Variants in KCNH7 observed in about 807,000 individuals in gnomAD.
The protein encoded by KCNH7 is potassium voltage-gated channel subfamily H member 7, also known as voltage-gated inwardly rectifying potassium channel KCNH7.
A neutral mutation model predicts 120.8 loss-of-function variants in KCNH7; 49 were observed. The ratio of observed to expected loss-of-function variants is 0.41; its 90% CI spans 0.32 to 0.51. The LOEUF (loss-of-function observed/expected upper bound fraction) is 0.51, where lower values mean the gene tolerates loss of function less well. Ranked by LOEUF, KCNH7 falls within the 20% of genes least tolerant of loss-of-function variation. KCNH7 has a pLI of 0.38. For synonymous variants in KCNH7, 547 were observed against 516.1 expected (o/e 1.06, Z -0.81); for missense variants, 1,097 against 1,446.6 (o/e 0.76, Z 3.92).
At position 162,702,901 on chromosome 2, in the gene KCNH7, AAT is replaced by A. The variant is rs367577715; in HGVS notation, c.307+133634_307+133635del. ...ATTTTCTTTCTTCCTAATTAGGCTG[AAT>A]GTTTCCTTAGGAACAGTGTTTGATT... On this transcript the variant is annotated intron_variant, in intron 2 of 15. Coordinates refer to ENST00000332142, the MANE Select transcript of KCNH7 (RefSeq NM_033272.4). Among the ~76,000 whole-genome samples, 243 of 152,180 alleles carry A rather than the reference AAT, an allele frequency of 1.6e-3. 2 individuals carry two copies. The highest frequency in any genetic ancestry group is 5.2e-3 in the African/African-American group (215 of 41,530).
At chr2:162,544,056 T>A (rs1411991953) in intron 2 of KCNH7, among the ~76,000 whole-genome samples, 1 of 152,020 alleles carries the variant, frequency 6.6e-6, no homozygotes, top group Non-Finnish European at 1.5e-5. Context: ...TGAATGGGAG[T>A]GAGGACATAG....
At chr2:162,740,177 G>A (rs1013225559) in intron 2 of KCNH7, among the ~76,000 whole-genome samples, 2 of 152,194 alleles carry the variant, frequency 1.3e-5, no homozygotes, top group Non-Finnish European at 2.9e-5. Flanking sequence ...ACCCGAGCCA[G>A]GAGGTGGACA....
chr2:162,477,834 A>G (rs1475156033), intron 6 of KCNH7, among the ~76,000 whole-genome samples: 1 of 151,752 alleles, frequency 6.6e-6, no homozygotes, highest in Non-Finnish European at 1.5e-5. Context: ...CCATCCATCC[A>G]TCCATCCATC....
chr2:162,403,635 T>G (rs1687124782), intron 9 of KCNH7, among the ~76,000 whole-genome samples: 1 of 151,972 alleles, frequency 6.6e-6, no homozygotes, highest in African/African-American at 2.4e-5. Flanking sequence ...TGTTGTTGCA[T>G]GGAGAAGATA....
chr2:162,537,719 C>T (rs1692156267), intron 2 of KCNH7, among the ~76,000 whole-genome samples: 1 of 151,986 alleles, frequency 6.6e-6, no homozygotes, highest in Admixed American at 6.6e-5. Flanking sequence ...TGAGATGGTA[C>T]TCTTCAAGAC....
At chr2:162,491,234 T>C (rs991311707) in intron 6 of KCNH7, among the ~76,000 whole-genome samples, 1 of 152,214 alleles carries the variant, frequency 6.6e-6, no homozygotes, top group Non-Finnish European at 1.5e-5. Flanking sequence ...CACATTTGCA[T>C]AGAGCTAGAG....
At chr2:162,475,359 G>T (rs1310059698) in intron 6 of KCNH7, among the ~76,000 whole-genome samples, 1 of 152,136 alleles carries the variant, frequency 6.6e-6, no homozygotes, top group Non-Finnish European at 1.5e-5. Flanking sequence ...GGTATTTCTA[G>T]AATAATTTTG....
chr2:162,621,604 A>G (rs1004892875), intron 2 of KCNH7, among the ~76,000 whole-genome samples: 2 of 152,174 alleles, frequency 1.3e-5, no homozygotes, highest in African/African-American at 4.8e-5. Context: ...GTGCATATAT[A>G]TTTAAGTCAC....
At position 162,787,564 on chromosome 2, in the gene KCNH7, C is replaced by T. The variant is rs186242114; in HGVS notation, c.307+48973G>A. Among the ~76,000 whole-genome samples the T allele has an allele frequency of 1.0e-3, 153 of 152,302 alleles. No homozygotes were observed. The Middle Eastern group carries it at 0.017, about 17-fold the overall frequency. ...ATAATCACAGACATCAGGCCCATCC[C>T]TCTGTATTCAGGTGCCAGCACTACC... On this transcript the variant is annotated intron_variant, in intron 2 of 15. Transcript: ENST00000332142.
At chr2:162,430,011 T>C (rs1330380609) in intron 8 of KCNH7, among the ~76,000 whole-genome samples, 1 of 151,926 alleles carries the variant, frequency 6.6e-6, no homozygotes, top group African/African-American at 2.4e-5. Flanking sequence ...TTGGGCACTA[T>C]ACATTTAACC....
chr2:162,567,178 C>T (rs1274703987), intron 2 of KCNH7, among the ~76,000 whole-genome samples: 1 of 151,950 alleles, frequency 6.6e-6, no homozygotes, highest in African/African-American at 2.4e-5. Flanking sequence ...AAAATGATCA[C>T]TTTAGTAGAT....
intron 2 of KCNH7, among the ~76,000 whole-genome samples, chr2:162,617,267 C>T (rs1296048897): frequency 6.6e-6 from 1 of 152,054 alleles, no homozygotes; most frequent in African/African-American, 2.4e-5. Flanking sequence ...ATCACGAGGT[C>T]AGGAGATCGA....
chr2:162,661,033 TTTA>T (rs1340369478), intron 2 of KCNH7, among the ~76,000 whole-genome samples: 2 of 152,170 alleles, frequency 1.3e-5, no homozygotes, highest in Non-Finnish European at 2.9e-5. Context: ...AAATATTTGA[TTTA>T]TTATTATTTT....
intron 2 of KCNH7, among the ~76,000 whole-genome samples, chr2:162,591,341 G>C (rs1193054379): frequency 6.6e-6 from 1 of 151,466 alleles, no homozygotes; most frequent in African/African-American, 2.4e-5. Context: ...GCTTATAACT[G>C]TGCCCAGCAT....
At chr2:162,497,320 CT>C (rs1177397692) in intron 6 of KCNH7, among the ~76,000 whole-genome samples, 1 of 152,064 alleles carries the variant, frequency 6.6e-6, no homozygotes, top group Non-Finnish European at 1.5e-5. Flanking sequence ...GGTGGTTTTG[CT>C]TTTTCTGTAA....
chr2:162,431,618 A>G (rs544013833), intron 8 of KCNH7, among the ~76,000 whole-genome samples: 2 of 152,044 alleles, frequency 1.3e-5, no homozygotes, highest in East Asian at 3.9e-4. Flanking sequence ...ACATAATCCC[A>G]TTTGGATTAA....
At chr2:162,612,312 A>G (rs1682995896) in intron 2 of KCNH7, among the ~76,000 whole-genome samples, 1 of 152,218 alleles carries the variant, frequency 6.6e-6, no homozygotes, top group Non-Finnish European at 1.5e-5. Context: ...ACACAAAGTC[A>G]GAATCCCTAA....
At position 162,832,069 on chromosome 2, in the gene KCNH7, T is replaced by C. The variant is rs114035794; in HGVS notation, c.307+4468A>G. Among the ~76,000 whole-genome samples, 875 of 152,264 alleles carry C rather than the reference T, an allele frequency of 5.7e-3. 12 individuals carry two copies. Among genetic ancestry groups the C allele is most frequent in the African/African-American group, 0.02 (823 of 41,558 alleles). Reference sequence around the variant, plus strand: ...TCAAAGTCCATGAGATGATATAAAATTTGGGCACATAAGAGAAAATGAATT... The same window carrying C: ...TCAAAGTCCATGAGATGATATAAAACTTGGGCACATAAGAGAAAATGAATT... On this transcript the variant is annotated intron_variant, in intron 2 of 15. Coordinates refer to ENST00000332142, the MANE Select transcript of KCNH7 (RefSeq NM_033272.4).
At chr2:162,620,897 G>A (rs975454145) in intron 2 of KCNH7, among the ~76,000 whole-genome samples, 48 of 152,146 alleles carry the variant, frequency 3.2e-4, no homozygotes, top group African/African-American at 1.1e-3. Context: ...CAGATTATCC[G>A]AACTGGGACA....
Sources: gnomAD v4.1 joint callset for allele counts (sites outside exome capture counted in the v4.1 genomes callset) on GRCh38, gnomAD v4.1.1 for gene constraint, MANE v1.5 for transcripts, NCBI Gene and HGNC (gene_info 2026-07-23, HGNC 2026-07-21) for gene names.